The following ZC3H7B variants were observed in gnomAD, a reference collection of about 807,000 sequenced individuals.
ZC3H7B encodes zinc finger CCCH-type containing 7B.
A neutral mutation model predicts 116.0 loss-of-function variants in ZC3H7B; 35 were observed. That is an observed-to-expected ratio of 0.30 (90% CI 0.23 to 0.40). ZC3H7B has a LOEUF of 0.40. ZC3H7B is among the 10% of genes least tolerant of loss of function. The probability of loss-of-function intolerance (pLI) is 1.00; values close to 1 mark genes in which losing one functional copy is unlikely to be tolerated. For missense variants in ZC3H7B, 1,011 were observed against 1,321.5 expected, an observed-to-expected ratio of 0.77 and a Z score of 3.64; for synonymous variants, 502 against 545.6, an observed-to-expected ratio of 0.92 and a Z score of 1.11.
At chr22:41,307,469 C>T (rs1175286658) in intron 1 of ZC3H7B, among the ~76,000 whole-genome samples, 2 of 152,160 alleles carry the variant, frequency 1.3e-5, no homozygotes. Context: ...TATGGAGGCC[C>T]AGAGGGAGGG....
At chr22:41,317,436 G>A (rs915692476) in intron 1 of ZC3H7B, among the ~76,000 whole-genome samples, 5 of 152,082 alleles carry the variant, frequency 3.3e-5, no homozygotes, top group African/African-American at 1.2e-4. Context: ...ATAGGGTTTA[G>A]GGCTTCAACA....
At chr22:41,348,239 T>G in intron 15 of ZC3H7B, 72 bp downstream of exon 15, 1 of 1,384,570 alleles carries the variant, frequency 7.2e-7, no homozygotes, top group Non-Finnish European at 1.0e-6. Context: ...CTCAGATGGC[T>G]GAGGAAAGGC....
At chr22:41,323,846 G>A (rs1435251373) in intron 2 of ZC3H7B, among the ~76,000 whole-genome samples, 2 of 152,190 alleles carry the variant, frequency 1.3e-5, no homozygotes, top group Admixed American at 6.5e-5. Context: ...CAAGGCAGGC[G>A]GATCATGAGG....
Position 41,302,815 on chromosome 22 carries a change from C to A in ZC3H7B, c.-7+1043C>A, listed in dbSNP as rs943795443. On this transcript the variant is annotated intron_variant, in intron 1 of 22. Coordinates refer to ENST00000352645, the MANE Select transcript of ZC3H7B (RefSeq NM_017590.6). This position sits in a 1 kb window ranked among gnomAD's most constrained non-coding sequence, Gnocchi z 5.7. ...GGCATTGACGGGGAAGACTAGGGGG[C>A]TAGGGCCCTGCGTGGGGAGTCTGGG... 2.6e-5 allele frequency among the ~76,000 whole-genome samples: 4 copies of A among 151,506 alleles called. No homozygotes were observed. Among genetic ancestry groups the A allele is most frequent in the African/African-American group, 9.7e-5 (4 of 41,180 alleles).
Position 41,338,965 on chromosome 22 carries a change from G to A in ZC3H7B, c.626-36G>A. Reference sequence around the variant, plus strand: ...ACGCCTCCTCCACCCTCACCAAGCAGTGCTCCCCTTCGGCTCTTGCCCACC... The same window carrying A: ...ACGCCTCCTCCACCCTCACCAAGCAATGCTCCCCTTCGGCTCTTGCCCACC... On this transcript the variant is annotated intron_variant, in intron 8 of 22. Coordinates refer to ENST00000352645, the MANE Select transcript of ZC3H7B (RefSeq NM_017590.6). The surrounding 1 kb of genome is among the most constrained non-coding windows in gnomAD (Gnocchi z 4.5). 6.6e-7 allele frequency: 1 copy of A among 1,507,822 alleles called. No homozygotes were observed. Among genetic ancestry groups the A allele is most frequent in the African/African-American group, 1.4e-5 (1 of 71,956 alleles). The allele number at this position is 1,507,822 out of a possible 1,614,324, so 93.4% of individuals were successfully genotyped here.
chr22:41,315,988 G>A lies in ZC3H7B; in HGVS notation c.-6-4667G>A, dbSNP rs962210507. Among the ~76,000 whole-genome samples, 3 of 142,254 alleles carry A rather than the reference G, an allele frequency of 2.1e-5. No homozygotes were observed. In the Admixed American group the frequency reaches 2.1e-4, roughly 10 times the overall value. 93.3% of individuals were successfully genotyped at this position (142,254 alleles called of 152,430 possible). On this transcript the variant is annotated intron_variant, in intron 1 of 22. Coordinates refer to ENST00000352645, the MANE Select transcript of ZC3H7B (RefSeq NM_017590.6). ...AAAATACATTCATTCTATCCAAATA[G>A]TTTTTTTTTTTTTTTGAGACGGAGT...
rs758194186 is a variant in ZC3H7B at position 41,356,470 on chromosome 22, C to A, written c.2511C>A (p.Asp837Glu). Residue 837 changes from aspartate to glutamate, a missense_variant, in exon 21 of 23, where the codon GAC becomes GAA. Physicochemically the swap from Asp to Glu is conservative, Grantham distance 45 (BLOSUM62 2). This residue lies in a region of ZC3H7B where 406 missense variants were observed against 590.2 expected (regional missense o/e 0.69). Coordinates refer to ENST00000352645, the MANE Select transcript of ZC3H7B (RefSeq NM_017590.6). The part of the protein sequence containing the change: ...KQIQMPTDYA[D>E]IMMGYHCWLC... ...TCCAGATGCCCACGGACTACGCGGA[C>A]ATCATGGTAACGCCTCCGCCCTGCA... The A allele has an allele frequency of 6.2e-7, 1 of 1,613,942 alleles. No individual in the cohort carries two copies. The highest frequency in any genetic ancestry group is 8.5e-7 in the Non-Finnish European group (1 of 1,180,048).
At chr22:41,320,136 C>T (rs536517227) in intron 1 of ZC3H7B, among the ~76,000 whole-genome samples, 57 of 151,896 alleles carry the variant, frequency 3.8e-4, no homozygotes, top group African/African-American at 1.3e-3. Flanking sequence ...TGTTCGAGAC[C>T]AGCCTGGTCA....
intron 17 of ZC3H7B, among the ~76,000 whole-genome samples, chr22:41,353,098 A>T (rs2036673927): frequency 6.6e-6 from 1 of 152,022 alleles, no homozygotes; most frequent in Non-Finnish European, 1.5e-5. Flanking sequence ...AAAAGAAGAA[A>T]AAAAGGTCTT....
rs769385754 is a variant in ZC3H7B at position 41,351,557 on chromosome 22, C to G, written c.1949-4C>G. 10 of 1,612,708 alleles carry G rather than the reference C, an allele frequency of 6.2e-6. 1 individual carries two copies. In the South Asian group the frequency reaches 9.9e-5, roughly 16 times the overall value. On this transcript the variant is annotated splice_region_variant and splice_polypyrimidine_tract_variant and intron_variant, in intron 16 of 22. Coordinates refer to ENST00000352645, the MANE Select transcript of ZC3H7B (RefSeq NM_017590.6). This position sits in a 1 kb window ranked among gnomAD's most constrained non-coding sequence, Gnocchi z 5.1. ...ATGCCTGTGTCTGCCCCCACCCTCC[C>G]CAGGCATGACCCACGAAGACATCGT... is the stretch of plus-strand genomic sequence containing the variant.
At position 41,346,136 on chromosome 22, in the gene ZC3H7B, T is replaced by G. The variant is rs779674909; in HGVS notation, c.1593T>G (p.Gly531=). The change falls in exon 14 of 23, where the codon GGT becomes GGG. Residue 531 remains glycine, a synonymous_variant. Transcript: ENST00000352645. This position sits in a 1 kb window ranked among gnomAD's most constrained non-coding sequence, Gnocchi z 5.3. ...ACCTGCTCTTCGACCCGCTGGGGGG[T>G]GTTAAGCGCGGCAGCCTCACCATCG... The part of the protein sequence containing the change: ...NRDLLFDPLG[G]VKRGSLTIAK... The G allele has an allele frequency of 6.2e-7, 1 of 1,612,190 alleles. No homozygotes were observed. The highest frequency in any genetic ancestry group is 8.5e-7 in the Non-Finnish European group (1 of 1,179,808).
At chr22:41,333,420 G>C (rs957873895) in intron 7 of ZC3H7B, 2 of 152,094 alleles carry the variant, frequency 1.3e-5, no homozygotes, top group African/African-American at 4.8e-5. Context: ...AATTTCGGGA[G>C]TTAAAGACCA....
chr22:41,310,964 A>C (rs2036110127), intron 1 of ZC3H7B, among the ~76,000 whole-genome samples: 1 of 150,594 alleles, frequency 6.6e-6, no homozygotes, highest in South Asian at 2.1e-4. Flanking sequence ...AGGGGGTTTC[A>C]CCGTGTTAGC....
chr22:41,345,839 G>A (rs2036577590), intron 13 of ZC3H7B, among the ~76,000 whole-genome samples, 164 bp from the exon 14 acceptor site: 1 of 152,010 alleles, frequency 6.6e-6, no homozygotes, highest in African/African-American at 2.4e-5. Flanking sequence ...GCCAAGTCCT[G>A]GCAGGGGGTG....
Position 41,349,865 on chromosome 22 carries a change from A to G in ZC3H7B, c.1948+564A>G, listed in dbSNP as rs1158859844. The stretch of plus-strand genomic sequence containing the variant: ...AGACAGATAATATATCAACAGGTGA[A>G]TAAATCCTGTATTCCATCCATTCTA... On this transcript the variant is annotated intron_variant, in intron 16 of 22. Transcript: ENST00000352645. This position sits in a 1 kb window ranked among gnomAD's most constrained non-coding sequence, Gnocchi z 4.9. Among the ~76,000 whole-genome samples the G allele has an allele frequency of 1.3e-5, 2 of 152,248 alleles. No individual in the cohort carries two copies. Among genetic ancestry groups the G allele is most frequent in the Non-Finnish European group, 2.9e-5 (2 of 68,040 alleles).
rs533978721 is a variant in ZC3H7B, at chr22:41,327,281, C to T, written c.361C>T (p.Arg121Cys). 8.1e-6 allele frequency: 13 copies of T among 1,613,956 alleles called. No homozygotes were observed. Among genetic ancestry groups the T allele is most frequent in the Middle Eastern group, 1.7e-4 (1 of 6,060 alleles). ...LDSESIRALFRKARALNELGR... is the reference protein window; with the variant it reads ...LDSESIRALFCKARALNELGR... Reference sequence around the variant, plus strand: ...CAGTGAGAGTATCCGGGCGTTGTTCCGCAAGGCACGCGCTCTCAATGAACT... The same window carrying T: ...CAGTGAGAGTATCCGGGCGTTGTTCTGCAAGGCACGCGCTCTCAATGAACT... The change falls in exon 5 of 23, where the codon CGC (arginine) becomes TGC (cysteine). Residue 121 changes from arginine (R) to cysteine (C), a missense_variant. Arg to Cys is a radical substitution (Grantham distance 180, BLOSUM62 -3). Around this residue, in one of 5 missense-constraint regions of ZC3H7B, gnomAD observed 322 missense variants for 443.9 expected, o/e 0.73. Transcript: ENST00000352645. The surrounding 1 kb of genome is among the most constrained non-coding windows in gnomAD (Gnocchi z 4.5).
chr22:41,351,405 A>G lies in ZC3H7B; in HGVS notation c.1949-156A>G, dbSNP rs1473483648. ...TTTGTTCCCATTTTGCAGATGGACAAAGTGGTTCCCTTGTACCCCATGTCT... is the reference window on the plus strand; with the variant it reads ...TTTGTTCCCATTTTGCAGATGGACAGAGTGGTTCCCTTGTACCCCATGTCT... On this transcript the variant is annotated intron_variant, in intron 16 of 22. Transcript: ENST00000352645. The surrounding 1 kb of genome is among the most constrained non-coding windows in gnomAD (Gnocchi z 5.1). Among the ~76,000 whole-genome samples the G allele has an allele frequency of 6.6e-6, 1 of 152,118 alleles. No individual in the cohort carries two copies. The highest frequency in any genetic ancestry group is 1.5e-5 in the Non-Finnish European group (1 of 68,012).
chr22:41,356,722 G>A lies in ZC3H7B; in HGVS notation c.2595G>A (p.Lys865=). ...GGCAGCAGCACATCCAGTCCGAGAA[G>A]CACAAGGAGAAGGTCTTCACGTCCG... ...KQWQQHIQSE[K]HKEKVFTSDS... Residue 865 remains lysine, a synonymous_variant, in exon 22 of 23, where the codon AAG becomes AAA. Coordinates refer to ENST00000352645, the MANE Select transcript of ZC3H7B (RefSeq NM_017590.6). 1 of 1,613,700 alleles carries A rather than the reference G, an allele frequency of 6.2e-7. No individual in the cohort carries two copies. Among genetic ancestry groups the A allele is most frequent in the Non-Finnish European group, 8.5e-7 (1 of 1,180,010 alleles).
At chr22:41,311,686 G>T (rs2036120239) in intron 1 of ZC3H7B, among the ~76,000 whole-genome samples, 1 of 152,078 alleles carries the variant, frequency 6.6e-6, no homozygotes, top group South Asian at 2.1e-4. Flanking sequence ...GAAGAGATAG[G>T]CGAGTCGTTA....
Sources: allele counts gnomAD v4.1 joint callset (sites outside exome capture counted in the v4.1 genomes callset), GRCh38; gene constraint gnomAD v4.1.1; regional missense constraint gnomAD v4.1.1; non-coding constraint Gnocchi (gnomAD v3.1); transcripts MANE v1.5; gene names NCBI Gene and HGNC (gene_info 2026-07-23, HGNC 2026-07-21).